Variants in TENM2 observed in about 807,000 individuals in gnomAD.
The protein encoded by TENM2 is teneurin transmembrane protein 2.
A neutral mutation model predicts 245.2 loss-of-function variants in TENM2; 52 were observed. That is an observed-to-expected ratio of 0.21 (90% CI 0.17 to 0.27). The LOEUF is 0.27. TENM2 is among the 10% of genes least tolerant of loss of function. The pLI is 1.00. For missense variants in TENM2, 3,046 were observed against 3,666.8 expected (o/e 0.83, Z 4.37); for synonymous variants, 1,363 against 1,438.9 (o/e 0.95, Z 1.19).
chr5:167,628,714 G>A (rs1458459227), intron 2 of TENM2, among the ~76,000 whole-genome samples: 1 of 152,120 alleles, frequency 6.6e-6, no homozygotes, highest in Non-Finnish European at 1.5e-5. Flanking sequence ...TATACTTTTG[G>A]ACAAATAACC....
rs1378634223 is a variant in TENM2 at position 168,158,827 on chromosome 5, GTGTATA to G, written c.2423-3782_2423-3777del. Among the ~76,000 whole-genome samples the G allele has an allele frequency of 3.1e-3, 214 of 69,490 alleles. 6 individuals are homozygous for G. Among genetic ancestry groups the G allele is most frequent in the African/African-American group, 0.012 (207 of 17,148 alleles). 45.6% of individuals were successfully genotyped at this position (69,490 alleles called of 152,430 possible). A position where few individuals can be genotyped will look rare whatever the true frequency, so the allele number is the denominator to read the frequency against. ...AAAAAATGTGTGTGTGTGTGTGTGTGTGTATATATATATATATATATATACACACAC... is the reference window on the plus strand; with the variant it reads ...AAAAAATGTGTGTGTGTGTGTGTGTGTATATATATATATATATACACACAC... On this transcript the variant is annotated intron_variant, in intron 12 of 28. Transcript: ENST00000518659.
intron 2 of TENM2, among the ~76,000 whole-genome samples, chr5:167,583,979 C>T (rs1365196981): frequency 1.3e-5 from 2 of 152,200 alleles, no homozygotes; most frequent in Non-Finnish European, 2.9e-5. Context: ...TCGACTACTC[C>T]TCCTTAAGTT....
intron 3 of TENM2, among the ~76,000 whole-genome samples, chr5:167,883,392 G>A (rs182045688): frequency 4.8e-4 from 73 of 151,464 alleles, no homozygotes; most frequent in African/African-American, 4.1e-4. Flanking sequence ...GTGTGCACAC[G>A]CACACACACA....
chr5:167,362,055 A>G (rs1759747684), intron 1 of TENM2, among the ~76,000 whole-genome samples: 1 of 152,182 alleles, frequency 6.6e-6, no homozygotes, highest in African/African-American at 2.4e-5. Flanking sequence ...ATGTGACTCA[A>G]CAACTCTCTG....
At chr5:167,516,714 T>A (rs1412435109) in intron 2 of TENM2, among the ~76,000 whole-genome samples, 1 of 152,224 alleles carries the variant, frequency 6.6e-6, no homozygotes, top group East Asian at 1.9e-4. Context: ...TTCCTGCTAT[T>A]TTGTCTTTAA....
intron 9 of TENM2, among the ~76,000 whole-genome samples, chr5:168,117,773 G>A (rs2152333083): frequency 6.6e-6 from 1 of 152,278 alleles, no homozygotes; most frequent in South Asian, 2.1e-4. Flanking sequence ...AACTTATTAG[G>A]AATAAGAGTC....
chr5:167,016,186 A>G, the TENM2 span, among the ~76,000 whole-genome samples: 9 of 150,938 alleles, frequency 6.0e-5, no homozygotes, highest in African/African-American at 1.7e-4. Context: ...CCCAGGAGGC[A>G]GAGCTTGCAG....
At chr5:167,990,224 T>C (rs1037927803) in intron 4 of TENM2, among the ~76,000 whole-genome samples, 1 of 152,220 alleles carries the variant, frequency 6.6e-6, no homozygotes, top group African/African-American at 2.4e-5. Context: ...AGCGTTGTTA[T>C]AAGGCAGCAG....
chr5:167,364,759 G>T (rs1203677900), intron 1 of TENM2, among the ~76,000 whole-genome samples: 1 of 151,658 alleles, frequency 6.6e-6, no homozygotes, highest in African/African-American at 2.4e-5. Flanking sequence ...TTTATTCTAG[G>T]GATATAAAAG....
At chr5:167,276,044 A>C in the TENM2 span, among the ~76,000 whole-genome samples, 1 of 152,046 alleles carries the variant, frequency 6.6e-6, no homozygotes, top group Non-Finnish European at 1.5e-5. Context: ...CCTCAGAATA[A>C]ATCTCTTTTG....
intron 2 of TENM2, among the ~76,000 whole-genome samples, chr5:167,400,099 C>T (rs372740250): frequency 1.3e-5 from 2 of 151,916 alleles, no homozygotes; most frequent in African/African-American, 2.4e-5. Context: ...ATGTGGGTCA[C>T]CGAAGGTTAT....
exon 25 of TENM2, chr5:168,228,101 A>G: frequency 6.2e-7 from 1 of 1,613,608 alleles, no homozygotes; most frequent in East Asian, 2.2e-5. Flanking sequence ...GATTAAAGGC[A>G]AAGTCACCAT....
the TENM2 span, among the ~76,000 whole-genome samples, chr5:167,173,661 C>T: frequency 6.6e-6 from 1 of 151,470 alleles, no homozygotes; most frequent in Non-Finnish European, 1.5e-5. Flanking sequence ...AATACAGTTT[C>T]GAGTTTCCCA....
chr5:167,859,795 C>T (rs1771541878), intron 2 of TENM2, among the ~76,000 whole-genome samples: 2 of 82,572 alleles, frequency 2.4e-5, no homozygotes, highest in Non-Finnish European at 4.8e-5. Flanking sequence ...GGGGTCAGCC[C>T]TCCGCCCGGC....
intron 2 of TENM2, among the ~76,000 whole-genome samples, chr5:167,678,509 T>A (rs1295344251): frequency 6.6e-6 from 1 of 152,164 alleles, no homozygotes; most frequent in East Asian, 1.9e-4. Context: ...CCGGAGTCTG[T>A]GTTTCTGTCA....
At chr5:167,809,674 G>A (rs1232664354) in intron 2 of TENM2, among the ~76,000 whole-genome samples, 1 of 152,028 alleles carries the variant, frequency 6.6e-6, no homozygotes, top group African/African-American at 2.4e-5. Flanking sequence ...TGCTTGTGTT[G>A]GCTAATTTTT....
At chr5:167,564,153 T>G (rs960108535) in intron 2 of TENM2, among the ~76,000 whole-genome samples, 3 of 152,038 alleles carry the variant, frequency 2.0e-5, no homozygotes, top group African/African-American at 7.2e-5. Context: ...AAGTCTTAAG[T>G]GCAATGGAAA....
the TENM2 span, among the ~76,000 whole-genome samples, chr5:167,004,715 T>C: frequency 1.3e-5 from 2 of 152,184 alleles, no homozygotes; most frequent in African/African-American, 2.4e-5. Context: ...AAAAAGATTT[T>C]TAATAGTTTT....
chr5:168,096,031 T>C (rs1363691105), intron 8 of TENM2, among the ~76,000 whole-genome samples: 1 of 152,194 alleles, frequency 6.6e-6, no homozygotes, highest in East Asian at 1.9e-4. Context: ...CCTCTTAGAA[T>C]GGGAAGTAAG....
Sources: allele counts gnomAD v4.1 joint callset (sites outside exome capture counted in the v4.1 genomes callset), GRCh38; gene constraint gnomAD v4.1.1; transcripts MANE v1.5; gene names NCBI Gene and HGNC (gene_info 2026-07-23, HGNC 2026-07-21).